Variants in ZNF236 observed in about 807,000 individuals in gnomAD.
ZNF236 encodes the protein zinc finger protein 236, also known as regulated by glucose.
A neutral mutation model predicts 191.2 loss-of-function variants in ZNF236; 50 were observed. That is an observed-to-expected ratio of 0.26 (90% CI 0.21 to 0.33). The LOEUF is 0.33. Ranked by LOEUF, ZNF236 falls within the 10% of genes least tolerant of loss-of-function variation. The pLI is 1.00. For synonymous variants in ZNF236, 907 were observed against 928.8 expected (o/e 0.98, Z 0.43); for missense variants, 1,754 against 2,374.5 (o/e 0.74, Z 5.43).
intron 14 of ZNF236, among the ~76,000 whole-genome samples, chr18:76,909,509 G>T (rs955732271): frequency 6.6e-6 from 1 of 152,126 alleles, no homozygotes; most frequent in Admixed American, 6.5e-5. Context: ...CTGGTCTGCG[G>T]TGAGATGAGG....
At chr18:76,896,225 A>G (rs958759383) in intron 10 of ZNF236, among the ~76,000 whole-genome samples, 5 of 149,504 alleles carry the variant, frequency 3.3e-5, no homozygotes, top group African/African-American at 1.0e-4. Flanking sequence ...TTCAGTATCA[A>G]ACACAGTACC....
intron 3 of ZNF236, among the ~76,000 whole-genome samples, chr18:76,867,227 GTT>G (rs11386653): frequency 1.4e-5 from 2 of 144,006 alleles, no homozygotes. Flanking sequence ...GACTGCAGAG[GTT>G]TTTTTTTTTT....
rs1272594248 is a variant in ZNF236 at position 76,972,322 on chromosome 18, A to C, written c.*3983A>C. On this transcript the variant is annotated 3_prime_UTR_variant, in exon 31 of 31. Coordinates refer to ENST00000320610, the MANE Select transcript of ZNF236 (RefSeq NM_001306089.2). Reference sequence around the variant, plus strand: ...TCCTAGCAGAGACATGTTCTTTGTCATGGTGTGGCTTGCCACAACATGTCC... The same window carrying C: ...TCCTAGCAGAGACATGTTCTTTGTCCTGGTGTGGCTTGCCACAACATGTCC... Among the ~76,000 whole-genome samples the C allele has an allele frequency of 2.6e-5, 4 of 152,210 alleles. No homozygotes were observed. Among genetic ancestry groups the C allele is most frequent in the Admixed American group, 2.0e-4 (3 of 15,284 alleles).
At chr18:76,904,132 A>C (rs1335333199) in intron 11 of ZNF236, among the ~76,000 whole-genome samples, 1 of 151,530 alleles carries the variant, frequency 6.6e-6, no homozygotes. Context: ...AATATATATT[A>C]ATTTATAATG....
intron 21 of ZNF236, among the ~76,000 whole-genome samples, chr18:76,923,664 C>T (rs760135731): frequency 6.6e-6 from 1 of 152,114 alleles, no homozygotes; most frequent in Non-Finnish European, 1.5e-5. Flanking sequence ...CTGCACAGTG[C>T]CTCCTAGCGG....
At chr18:76,864,874 A>C (rs912742738) in intron 3 of ZNF236, among the ~76,000 whole-genome samples, 2 of 152,090 alleles carry the variant, frequency 1.3e-5, no homozygotes, top group Admixed American at 1.3e-4. Context: ...AAAGCAATGT[A>C]CTCGAAAATA....
At chr18:76,846,961 A>AT (rs1269869384) in intron 1 of ZNF236, among the ~76,000 whole-genome samples, 1 of 151,770 alleles carries the variant, frequency 6.6e-6, no homozygotes, top group Non-Finnish European at 1.5e-5. Flanking sequence ...AGCCCGGCTA[A>AT]TTTTTGTATT....
intron 28 of ZNF236, among the ~76,000 whole-genome samples, chr18:76,958,403 C>T (rs1016383625): frequency 3.3e-5 from 5 of 152,124 alleles, no homozygotes; most frequent in African/African-American, 4.8e-5. Flanking sequence ...CTGTTCCCAC[C>T]GCAGGAGATT....
intron 26 of ZNF236, among the ~76,000 whole-genome samples, chr18:76,941,067 C>G (rs964347620): frequency 6.6e-6 from 1 of 152,194 alleles, no homozygotes; most frequent in Non-Finnish European, 1.5e-5. Context: ...TCCCCTACCT[C>G]AAATCCGTGG....
chr18:76,884,180 T>C (rs541695031), intron 9 of ZNF236, among the ~76,000 whole-genome samples: 136 of 152,182 alleles, frequency 8.9e-4, no homozygotes, highest in African/African-American at 3.0e-3. Flanking sequence ...GGTGGGTGGA[T>C]CATGAGGTCA....
At chr18:76,934,254 A>G (rs187331176) in intron 25 of ZNF236, among the ~76,000 whole-genome samples, 2 of 152,340 alleles carry the variant, frequency 1.3e-5, no homozygotes, top group Admixed American at 6.5e-5. Flanking sequence ...ACAAAAGCAC[A>G]TGCTTTTGTT....
chr18:76,929,698 G>A (rs151260753), intron 25 of ZNF236, among the ~76,000 whole-genome samples: 2,078 of 152,248 alleles, frequency 0.014, 17 homozygotes, highest in Non-Finnish European at 0.022. Flanking sequence ...TCAACTTTGG[G>A]CTTCAGATTG....
chr18:76,872,419 C>T (rs970653939), intron 5 of ZNF236, among the ~76,000 whole-genome samples: 2 of 152,204 alleles, frequency 1.3e-5, no homozygotes, highest in Non-Finnish European at 2.9e-5. Context: ...GAGCTATGAT[C>T]GTGCCACTGC....
rs1967654648 is a variant in ZNF236 at position 76,925,589 on chromosome 18, G to A, written c.4027+35G>A. 6.3e-7 allele frequency: 1 copy of A among 1,597,812 alleles called. No homozygotes were observed. The highest frequency in any genetic ancestry group is 2.2e-5 in the East Asian group (1 of 44,776). Reference sequence around the variant, plus strand: ...GAGCCGAGGGAATGAGAGCAGCACAGTGATTGAACTGTTCTGTGCTGCTTC... The same window carrying A: ...GAGCCGAGGGAATGAGAGCAGCACAATGATTGAACTGTTCTGTGCTGCTTC... On this transcript the variant is annotated intron_variant, in intron 22 of 30. Transcript: ENST00000320610. The surrounding 1 kb of genome is among the most constrained non-coding windows in gnomAD (Gnocchi z 5.7).
At position 76,920,044 on chromosome 18, in the gene ZNF236, T is replaced by C. The variant is rs768322080; in HGVS notation, c.3543T>C (p.Pro1181=). 2.5e-6 allele frequency: 4 copies of C among 1,612,004 alleles called. No individual in the cohort carries two copies. The South Asian group carries it at 4.4e-5, about 18-fold the overall frequency. ...CTYCPKSFKK[P]SDLVRHVRIH... ...ACTGCCCCAAGAGCTTCAAGAAACC[T>C]AGCGACCTGGTGAGGTGAGGGCATG... The change falls in exon 20 of 31, where the codon CCT becomes CCC. Residue 1181 remains proline, a synonymous_variant. Coordinates refer to ENST00000320610, the MANE Select transcript of ZNF236 (RefSeq NM_001306089.2).
At chr18:76,942,774 A>G (rs1968162601) in intron 26 of ZNF236, among the ~76,000 whole-genome samples, 1 of 149,690 alleles carries the variant, frequency 6.7e-6, no homozygotes, top group Non-Finnish European at 1.5e-5. Flanking sequence ...TTGGCCTCAC[A>G]AAGTGCTGGG....
At chr18:76,896,925 G>T (rs1212872190) in intron 10 of ZNF236, among the ~76,000 whole-genome samples, 1 of 151,628 alleles carries the variant, frequency 6.6e-6, no homozygotes, top group East Asian at 1.9e-4. Flanking sequence ...CACAAGTACT[G>T]CCCACAGGGA....
Position 76,934,729 on chromosome 18 carries a change from G to A in ZNF236, c.4595-2427G>A, listed in dbSNP as rs372750708. Among the ~76,000 whole-genome samples the A allele has an allele frequency of 3.0e-4, 45 of 152,352 alleles. 3 individuals are homozygous for A. The South Asian group carries it at 8.3e-3, about 28-fold the overall frequency. ...ACGAGTTGTCCCTCTGAGTGACCTG[G>A]ATGCTTGGGAACGAGGGGCTACCCC... On this transcript the variant is annotated intron_variant, in intron 25 of 30. Transcript: ENST00000320610.
At chr18:76,823,602 A>C (rs1974929717) in intron 1 of ZNF236, among the ~76,000 whole-genome samples, 1 of 152,228 alleles carries the variant, frequency 6.6e-6, no homozygotes, top group Non-Finnish European at 1.5e-5. Context: ...ACTTTGCTAA[A>C]GTCATGAAAT....
Sources: allele counts gnomAD v4.1 joint callset (sites outside exome capture counted in the v4.1 genomes callset), GRCh38; gene constraint gnomAD v4.1.1; non-coding constraint Gnocchi (gnomAD v3.1); transcripts MANE v1.5; gene names NCBI Gene and HGNC (gene_info 2026-07-23, HGNC 2026-07-21).